The following INTS11 variants were observed in gnomAD, a reference collection of about 807,000 sequenced individuals.
INTS11 encodes the protein integrator complex subunit 11.
INTS11 carries 77 observed loss-of-function variants against 78.6 expected under a neutral mutation model. The observed-to-expected ratio is 0.98, with a 90% CI of 0.81 to 1.18. The LOEUF (loss-of-function observed/expected upper bound fraction) is 1.18, where lower values mean the gene tolerates loss of function less well. Ranked by LOEUF, INTS11 falls within the 50% of genes most tolerant of loss-of-function variation. The probability of loss-of-function intolerance (pLI) is 0.00; values close to 1 mark genes in which losing one functional copy is unlikely to be tolerated. For synonymous variants in INTS11, 441 were observed against 326.9 expected (o/e 1.35, Z -3.77); for missense variants, 875 against 825.9 (o/e 1.06, Z -0.73).
chr1:1,321,762 A>T (rs915170169), intron 1 of INTS11: 3 of 513,158 alleles, frequency 5.8e-6, no homozygotes, highest in Admixed American at 4.2e-5. Context: ...CAGCTGCTCC[A>T]GCCAGAGGCC....
At chr1:1,323,288 C>T in intron 1 of INTS11, 1 of 1,549,154 alleles carries the variant, frequency 6.5e-7, no homozygotes, top group South Asian at 1.2e-5. Flanking sequence ...GGGCAGGCAC[C>T]TGTGGAAAAC....
At position 1,312,202 on chromosome 1, in the gene INTS11, G is replaced by GGGGGGT. The variant is rs1557628602; in HGVS notation, c.1607+23_1607+24insACCCCC. ...GGCCTCCAGGGCCCAAGGGAGTGGG[G>GGGGGGT]GGGGGGCGGGGCCGGGCGCCCACCT... On this transcript the variant is annotated intron_variant, in intron 15 of 16. Coordinates refer to ENST00000435064, the MANE Select transcript of INTS11 (RefSeq NM_017871.6). 4.1e-6 allele frequency: 5 copies of GGGGGGT among 1,208,054 alleles called. 1 individual carries two copies. The South Asian group carries it at 6.9e-5, about 17-fold the overall frequency. The allele number at this position is 1,208,054 out of a possible 1,614,324, so 74.8% of individuals were successfully genotyped here.
At chr1:1,323,547 G>A (rs1643090922) in intron 1 of INTS11, among the ~76,000 whole-genome samples, 1 of 151,388 alleles carries the variant, frequency 6.6e-6, no homozygotes, top group Non-Finnish European at 1.5e-5. Context: ...TTGAACCACA[G>A]GCACACACCA....
In INTS11 at chr1:1,312,071, C is replaced by T. The variant is rs375917361; in HGVS notation, c.1684G>A (p.Ala562Thr). ...TVESVLLQAA[A>T]PSEDPGTKVL... is the part of the protein sequence containing the mutation. ...TTGGTGCCTGGGTCCTCAGAAGGGG[C>T]GGCGGCCTGGAGGAGGACGGACTCC... Residue 562 changes from alanine to threonine, a missense_variant, in exon 16 of 17, where the codon GCC becomes ACC. Ala to Thr is a moderately conservative substitution (Grantham distance 58). Coordinates refer to ENST00000435064, the MANE Select transcript of INTS11 (RefSeq NM_017871.6). The T allele has an allele frequency of 1.0e-5, 16 of 1,572,552 alleles. No homozygotes were observed. Among genetic ancestry groups the T allele is most frequent in the South Asian group, 4.6e-5 (4 of 86,470 alleles).
rs1202087466 is a variant in INTS11 at position 1,312,317 on chromosome 1, C to G, written c.1516G>C (p.Glu506Gln). Residue 506 changes from glutamate (E) to glutamine (Q), a missense_variant, in exon 15 of 17, where the codon GAG (glutamate) becomes CAG (glutamine). Coordinates refer to ENST00000435064, the MANE Select transcript of INTS11 (RefSeq NM_017871.6). ...CGGCAGGTGAAGCGCAGCTGGTGCT[C>G]AGCCAGACCCAGCTCTTTGAGGGCT... Reference protein sequence around the residue: ...EQALKELGLAEHQLRFTCRVH... With the variant: ...EQALKELGLAQHQLRFTCRVH... 2.8e-5 allele frequency: 43 copies of G among 1,552,570 alleles called. No individual in the cohort carries two copies. Among genetic ancestry groups the G allele is most frequent in the Non-Finnish European group, 3.7e-5 (43 of 1,148,190 alleles).
chr1:1,315,514 A>T lies in INTS11; in HGVS notation c.528+6T>A. The T allele has an allele frequency of 6.2e-7, 1 of 1,612,500 alleles. No individual in the cohort carries two copies. ...CCCCTCCCAAGCCTCAAGCCCTTCCACTGACCGTGTAGACCACAGACTCTG... is the reference window on the plus strand; with the variant it reads ...CCCCTCCCAAGCCTCAAGCCCTTCCTCTGACCGTGTAGACCACAGACTCTG... On this transcript the variant is annotated splice_donor_region_variant and intron_variant, in intron 5 of 16. Coordinates refer to ENST00000435064, the MANE Select transcript of INTS11 (RefSeq NM_017871.6).
At position 1,312,060 on chromosome 1, in the gene INTS11, C is replaced by G. The variant is rs1642206030; in HGVS notation, c.1695G>C (p.Glu565Asp). 6 of 1,573,424 alleles carry G rather than the reference C, an allele frequency of 3.8e-6. No individual in the cohort carries two copies. In the East Asian group the frequency reaches 1.4e-4, roughly 36 times the overall value. The change falls in exon 16 of 17, where the codon GAG becomes GAC. Residue 565 changes from glutamate to aspartate, a missense_variant. Coordinates refer to ENST00000435064, the MANE Select transcript of INTS11 (RefSeq NM_017871.6). Reference protein sequence around the residue: ...SVLLQAAAPSEDPGTKVLLVS... With the variant: ...SVLLQAAAPSDDPGTKVLLVS... ...CCAGCAGCACCTTGGTGCCTGGGTC[C>G]TCAGAAGGGGCGGCGGCCTGGAGGA...
At position 1,312,211 on chromosome 1, in the gene INTS11, G is replaced by T; in HGVS notation, c.1607+15C>A. On this transcript the variant is annotated intron_variant, in intron 15 of 16. Transcript: ENST00000435064. The stretch of plus-strand genomic sequence containing the variant: ...GGCCCAAGGGAGTGGGGGGGGGGCG[G>T]GGCCGGGCGCCCACCTCTTGAGGTG... The T allele has an allele frequency of 1.1e-6, 1 of 935,634 alleles. No individual in the cohort carries two copies. Among genetic ancestry groups the T allele is most frequent in the Non-Finnish European group, 1.6e-6 (1 of 623,142 alleles). The allele number at this position is 935,634 out of a possible 1,614,324, so 58.0% of individuals were successfully genotyped here. A position where few individuals can be genotyped will look rare whatever the true frequency, so the allele number is the denominator to read the frequency against.
rs1451141487 is a variant in INTS11, at chr1:1,314,048, C to T, written c.768-127G>A. The T allele has an allele frequency of 1.8e-5, 18 of 976,720 alleles. No homozygotes were observed. Among genetic ancestry groups the T allele is most frequent in the Non-Finnish European group, 2.6e-5 (17 of 649,420 alleles). 60.5% of individuals were successfully genotyped at this position (976,720 alleles called of 1,614,324 possible). A position where few individuals can be genotyped will look rare whatever the true frequency, so the allele number is the denominator to read the frequency against. ...GCACGGGCCAGGTTGAGTCCAGTCG[C>T]GACCACTTGTCCCATTAAGCCCTGC... is the stretch of plus-strand genomic sequence containing the variant. On this transcript the variant is annotated intron_variant, in intron 8 of 16. Coordinates refer to ENST00000435064, the MANE Select transcript of INTS11 (RefSeq NM_017871.6). The surrounding 1 kb of genome is among the most constrained non-coding windows in gnomAD (Gnocchi z 4.2).
At chr1:1,324,192 C>T (rs1172218763) in intron 1 of INTS11, among the ~76,000 whole-genome samples, 1 of 88,640 alleles carries the variant, frequency 1.1e-5, no homozygotes, top group East Asian at 3.1e-4. Flanking sequence ...GGCTGAGAGG[C>T]TGGGGAGCTG....
At chr1:1,320,389 C>G (rs1393090577) in intron 3 of INTS11, 67 bp downstream of exon 3, 59 of 1,505,860 alleles carry the variant, frequency 3.9e-5, no homozygotes, top group Non-Finnish European at 5.4e-5. Context: ...CTGCCGAGAC[C>G]AAGCAAGGTG....
chr1:1,322,091 C>G, intron 1 of INTS11: 1 of 693,794 alleles, frequency 1.4e-6, no homozygotes, highest in Non-Finnish European at 2.1e-6. Flanking sequence ...CTCTGCATCT[C>G]CTACCCCAAG....
rs112653110 is a variant in INTS11, at chr1:1,319,648, G to C, written c.201-124C>G. 7.7e-6 allele frequency: 5 copies of C among 647,592 alleles called. No homozygotes were observed. The East Asian group carries it at 1.4e-4, about 18-fold the overall frequency. The allele number at this position is 647,592 out of a possible 1,614,324, so 40.1% of individuals were successfully genotyped here. The stretch of plus-strand genomic sequence containing the variant: ...TGCGCCAGGCCTCATCCCGAGTACC[G>C]AAGAGTCAGTAATGAGCAAACACAA... On this transcript the variant is annotated intron_variant, in intron 3 of 16. Coordinates refer to ENST00000435064, the MANE Select transcript of INTS11 (RefSeq NM_017871.6).
chr1:1,312,224 A>T lies in INTS11; in HGVS notation c.1607+2T>A, dbSNP rs534327625. On this transcript the variant is annotated splice_donor_variant, in intron 15 of 16. Coordinates refer to ENST00000435064, the MANE Select transcript of INTS11 (RefSeq NM_017871.6). LOFTEE classifies it high-confidence loss of function. ...GGGGGGGGGGCGGGGCCGGGCGCCC[A>T]CCTCTTGAGGTGGCTGTAGACGCGC... The T allele has an allele frequency of 3.9e-6, 5 of 1,278,694 alleles. No homozygotes were observed. Among genetic ancestry groups the T allele is most frequent in the Admixed American group, 4.8e-5 (2 of 41,574 alleles). The allele number at this position is 1,278,694 out of a possible 1,614,324, so 79.2% of individuals were successfully genotyped here.
intron 4 of INTS11, 124 bp downstream of exon 4, chr1:1,319,172 G>A: frequency 1.1e-6 from 1 of 902,208 alleles, no homozygotes; most frequent in Non-Finnish European, 1.9e-6. Context: ...CTGGACGCAA[G>A]AGTGAGGTGG....
chr1:1,312,379 G>A lies in INTS11; in HGVS notation c.1465-11C>T, dbSNP rs1642259530. On this transcript the variant is annotated splice_polypyrimidine_tract_variant and intron_variant, in intron 14 of 16. Coordinates refer to ENST00000435064, the MANE Select transcript of INTS11 (RefSeq NM_017871.6). ...CACCAGCCGGAAGTTCTGTGGGGCA[G>A]GGACAGGTCAGTGAGCGCAGCAGCG... 6 of 1,567,012 alleles carry A rather than the reference G, an allele frequency of 3.8e-6. No homozygotes were observed. Among genetic ancestry groups the A allele is most frequent in the South Asian group, 1.2e-5 (1 of 85,612 alleles).
Position 1,313,588 on chromosome 1 carries a change from A to G in INTS11, c.962T>C (p.Val321Ala), listed in dbSNP as rs905990187. Residue 321 changes from valine (V) to alanine (A), a missense_variant, in exon 10 of 17, where the codon GTG becomes GCG. By Grantham distance (64) the Val-to-Ala change is moderately conservative (BLOSUM62 0). Transcript: ENST00000435064. ...AFADNPGPMV[V>A]FATPGMLHAG... ...GTGCAGCATTCCTGGCGTGGCAAAC[A>G]CAACCTACAGGACACACAGGGCCAG... 1.9e-6 allele frequency: 3 copies of G among 1,612,914 alleles called. No individual in the cohort carries two copies. Among genetic ancestry groups the G allele is most frequent in the Middle Eastern group, 1.6e-4 (1 of 6,062 alleles).
Position 1,319,294 on chromosome 1 carries a change from A to T in INTS11, c.429+2T>A, listed in dbSNP as rs768356174. 19 of 1,611,994 alleles carry T rather than the reference A, an allele frequency of 1.2e-5. No individual in the cohort carries two copies. The highest frequency in any genetic ancestry group is 1.4e-5 in the Non-Finnish European group (17 of 1,179,060). On this transcript the variant is annotated splice_donor_variant, in intron 4 of 16. Transcript: ENST00000435064. LOFTEE classifies it high-confidence loss of function. ...TGCCAGCTGTGGCCCTGGGAACCTGACCTGGACCGTCTGGTGGAGGTGGAC... is the reference window on the plus strand; with the variant it reads ...TGCCAGCTGTGGCCCTGGGAACCTGTCCTGGACCGTCTGGTGGAGGTGGAC...
In INTS11 at chr1:1,320,722, C is replaced by A. The variant is rs1405503933; in HGVS notation, c.127-193G>T. ...CGGAGGGGCCGAGGTTACCCCCAACCTCACTGACAGATGTGAGCTGGAAGC... is the reference window on the plus strand; with the variant it reads ...CGGAGGGGCCGAGGTTACCCCCAACATCACTGACAGATGTGAGCTGGAAGC... On this transcript the variant is annotated intron_variant, in intron 2 of 16. Transcript: ENST00000435064. The A allele has an allele frequency of 2.2e-5, 16 of 728,548 alleles. No individual in the cohort carries two copies. The East Asian group carries it at 4.3e-4, about 19-fold the overall frequency. 45.1% of individuals were successfully genotyped at this position (728,548 alleles called of 1,614,324 possible). A position where few individuals can be genotyped will look rare whatever the true frequency, so the allele number is the denominator to read the frequency against.
Sources: gnomAD v4.1 joint callset for allele counts (sites outside exome capture counted in the v4.1 genomes callset) on GRCh38, gnomAD v4.1.1 for gene constraint, Gnocchi (gnomAD v3.1) non-coding constraint, MANE v1.5 for transcripts, NCBI Gene and HGNC (gene_info 2026-07-23, HGNC 2026-07-21) for gene names.